Variants in DLGAP1 observed in about 807,000 individuals in gnomAD.
The protein encoded by DLGAP1 is disks large-associated protein 1.
Under a neutral mutation model 90.8 loss-of-function variants are expected in DLGAP1, and 11 were observed. The observed-to-expected ratio is 0.12, with a 90% CI of 0.08 to 0.20. The LOEUF (loss-of-function observed/expected upper bound fraction) is 0.20. DLGAP1 is among the 10% of genes least tolerant of loss of function. DLGAP1 has a pLI of 1.00. For synonymous variants in DLGAP1, 558 were observed against 540.7 expected (o/e 1.03, Z -0.44); for missense variants, 1,050 against 1,333.8 (o/e 0.79, Z 3.31).
At chr18:3,964,838 AAG>A (rs1261766454) in intron 3 of DLGAP1, among the ~76,000 whole-genome samples, 2 of 152,200 alleles carry the variant, frequency 1.3e-5, no homozygotes, top group African/African-American at 2.4e-5. Context: ...ACTGTGGACA[AAG>A]AGAGTTTGCC....
At position 4,223,937 on chromosome 18, in the gene DLGAP1, T is replaced by C. The variant is rs113923128; in HGVS notation, c.-266-72650A>G. On this transcript the variant is annotated intron_variant, in intron 1 of 12. Transcript: ENST00000315677. ...GCTGTAACCTCATGACATTTTTATA[T>C]AACCAGTCAGATAATAGCTTCAATC... Among the ~76,000 whole-genome samples the C allele has an allele frequency of 3.9e-3, 591 of 152,340 alleles. 2 individuals carry two copies. Among genetic ancestry groups the C allele is most frequent in the Non-Finnish European group, 6.2e-3 (422 of 68,034 alleles).
intron 10 of DLGAP1, among the ~76,000 whole-genome samples, chr18:3,515,340 G>A (rs909214707): frequency 5.3e-5 from 8 of 151,404 alleles, no homozygotes; most frequent in African/African-American, 9.7e-5. Context: ...GCGTGGTGGC[G>A]GGCACTGTAG....
chr18:3,804,342 C>T (rs1181716959), intron 5 of DLGAP1, among the ~76,000 whole-genome samples: 1 of 152,188 alleles, frequency 6.6e-6, no homozygotes, highest in African/African-American at 2.4e-5. Context: ...GAACACCCTT[C>T]CCAACTTCAA....
chr18:4,056,088 G>A (rs1300604043), intron 2 of DLGAP1, among the ~76,000 whole-genome samples: 1 of 152,140 alleles, frequency 6.6e-6, no homozygotes, highest in Non-Finnish European at 1.5e-5. Context: ...ATAAATTCAG[G>A]GCTGTCATGA....
At chr18:4,200,129 C>T (rs754675291) in intron 1 of DLGAP1, among the ~76,000 whole-genome samples, 24 of 151,934 alleles carry the variant, frequency 1.6e-4, no homozygotes, top group Non-Finnish European at 2.9e-4. Context: ...ATTCAGTATT[C>T]GTATGTTTGT....
At chr18:4,229,029 T>C (rs1313771687) in intron 1 of DLGAP1, among the ~76,000 whole-genome samples, 2 of 152,074 alleles carry the variant, frequency 1.3e-5, no homozygotes, top group African/African-American at 2.4e-5. Context: ...GTAGCATTTA[T>C]ATATGCCAAC....
At chr18:4,319,424 A>C (rs944948218) in intron 1 of DLGAP1, among the ~76,000 whole-genome samples, 6 of 152,244 alleles carry the variant, frequency 3.9e-5, no homozygotes, top group Non-Finnish European at 8.8e-5. Flanking sequence ...AGGAGTACTC[A>C]GTCTAGTTTG....
chr18:4,172,658 TCA>T (rs1598539989), intron 1 of DLGAP1, among the ~76,000 whole-genome samples: 1 of 152,158 alleles, frequency 6.6e-6, no homozygotes, highest in South Asian at 2.1e-4. Context: ...AAATAACCAA[TCA>T]CAGTTTGGCA....
At chr18:3,731,342 C>T (rs996629772) in intron 6 of DLGAP1, among the ~76,000 whole-genome samples, 1 of 152,134 alleles carries the variant, frequency 6.6e-6, no homozygotes, top group South Asian at 2.1e-4. Flanking sequence ...CCCTCTTCTA[C>T]TTTGTATAAA....
intron 2 of DLGAP1, among the ~76,000 whole-genome samples, chr18:4,117,066 G>A (rs2076074386): frequency 6.6e-6 from 1 of 152,084 alleles, no homozygotes; most frequent in Non-Finnish European, 1.5e-5. Flanking sequence ...GAATACCACT[G>A]GTGTCCTTCC....
intron 10 of DLGAP1, among the ~76,000 whole-genome samples, chr18:3,525,611 G>C (rs533559761): frequency 6.6e-6 from 1 of 152,214 alleles, no homozygotes; most frequent in Non-Finnish European, 1.5e-5. Context: ...ATGTTGGCCA[G>C]GCTGGTCTCC....
rs943190600 is a variant in DLGAP1, at chr18:3,820,264, T to C, written c.958-5991A>G. Among the ~76,000 whole-genome samples the C allele has an allele frequency of 1.4e-3, 210 of 152,164 alleles. 4 individuals are homozygous for C. The highest frequency in any genetic ancestry group is 3.5e-4 in the Non-Finnish European group (24 of 68,034). On this transcript the variant is annotated intron_variant, in intron 4 of 12. Transcript: ENST00000315677. ...AAGCCGGGACAGCTGAAATGAAGCA[T>C]ATGTCCTGAAAATATACAAGGGCAG...
At chr18:4,320,330 A>C (rs537040088) in intron 1 of DLGAP1, among the ~76,000 whole-genome samples, 4 of 152,342 alleles carry the variant, frequency 2.6e-5, no homozygotes, top group Admixed American at 2.6e-4. Flanking sequence ...GATGCACTCA[A>C]GCTGAACAGG....
At chr18:4,428,081 C>T (rs1278380493) in intron 1 of DLGAP1, among the ~76,000 whole-genome samples, 1 of 152,180 alleles carries the variant, frequency 6.6e-6, no homozygotes, top group Non-Finnish European at 1.5e-5. Context: ...TTTTTGGTAA[C>T]AAGATTTTAT....
intron 7 of DLGAP1, among the ~76,000 whole-genome samples, chr18:3,639,869 C>G (rs1310382479): frequency 7.0e-6 from 1 of 142,064 alleles, no homozygotes; most frequent in Non-Finnish European, 1.5e-5. Context: ...ATTCTCCTGC[C>G]TCAGCCTTCG....
chr18:3,526,816 T>C lies in DLGAP1; in HGVS notation c.2479+7378A>G, dbSNP rs2051652782. 6.6e-6 allele frequency among the ~76,000 whole-genome samples: 1 copy of C among 152,202 alleles called. No homozygotes were observed. Among genetic ancestry groups the C allele is most frequent in the African/African-American group, 2.4e-5 (1 of 41,442 alleles). On this transcript the variant is annotated intron_variant, in intron 10 of 12. Transcript: ENST00000315677. The surrounding 1 kb of genome is among the most constrained non-coding windows in gnomAD (Gnocchi z 4.7). The stretch of plus-strand genomic sequence containing the variant: ...ATGTAACATACAAGCCACTGTCAAA[T>C]AGCACTGAGCCATCTCCCTGAGACA...
intron 3 of DLGAP1, among the ~76,000 whole-genome samples, chr18:3,945,707 C>T (rs2072863188): frequency 6.6e-6 from 1 of 152,080 alleles, no homozygotes; most frequent in Admixed American, 6.5e-5. Flanking sequence ...GGGTGCAGCA[C>T]ACCAGCATGG....
rs564238277 is a variant in DLGAP1 at position 4,177,938 on chromosome 18, T to C, written c.-266-26651A>G. Among the ~76,000 whole-genome samples the C allele has an allele frequency of 6.6e-5, 10 of 152,252 alleles. No individual in the cohort carries two copies. In the South Asian group the frequency reaches 2.1e-3, roughly 32 times the overall value. On this transcript the variant is annotated intron_variant, in intron 1 of 12. Transcript: ENST00000315677. ...GTGCTGCAATAAACATACAGGTGCA[T>C]GTGTCTTTATGGAGACTAATTATTT...
At chr18:4,250,704 A>G (rs1391266505) in intron 1 of DLGAP1, among the ~76,000 whole-genome samples, 1 of 152,194 alleles carries the variant, frequency 6.6e-6, no homozygotes, top group Admixed American at 6.5e-5. Context: ...CTATGCATTA[A>G]CTTTCCACTA....
Sources: gnomAD v4.1 joint callset for allele counts (sites outside exome capture counted in the v4.1 genomes callset) on GRCh38, gnomAD v4.1.1 for gene constraint, Gnocchi (gnomAD v3.1) non-coding constraint, MANE v1.5 for transcripts, NCBI Gene and HGNC (gene_info 2026-07-23, HGNC 2026-07-21) for gene names.